The following NUP160 variants were observed in gnomAD, a reference collection of about 807,000 sequenced individuals.
The protein encoded by NUP160 is nucleoporin 160.
Under a neutral mutation model 196.9 loss-of-function variants are expected in NUP160, and 94 were observed. That is an observed-to-expected ratio of 0.48 (90% CI 0.40 to 0.57). The LOEUF (loss-of-function observed/expected upper bound fraction) is 0.57, where lower values mean the gene tolerates loss of function less well. Ranked by LOEUF, NUP160 falls within the 20% of genes least tolerant of loss-of-function variation. The pLI, the probability that NUP160 is intolerant of heterozygous loss-of-function variation, is 0.00. For missense variants in NUP160, 1,638 were observed against 1,748.3 expected (o/e 0.94, Z 1.13); for synonymous variants, 605 against 619.7 (o/e 0.98, Z 0.35).
At chr11:47,826,240 C>T (rs549231618) in intron 7 of NUP160, among the ~76,000 whole-genome samples, 8 of 152,146 alleles carry the variant, frequency 5.3e-5, no homozygotes, top group South Asian at 2.1e-4. Context: ...CCCGAGTAGC[C>T]GGAACTATAC....
chr11:47,840,654 T>C, intron 2 of NUP160, 66 bp from the exon 3 acceptor site: 5 of 1,300,442 alleles, frequency 3.8e-6, no homozygotes, highest in East Asian at 2.3e-5. Flanking sequence ...TACTGAAATA[T>C]ATGAGAACAG....
intron 22 of NUP160, among the ~76,000 whole-genome samples, chr11:47,802,917 T>G (rs1163924685): frequency 1.3e-5 from 2 of 151,962 alleles, no homozygotes; most frequent in Non-Finnish European, 2.9e-5. Context: ...CCCAGGAGGT[T>G]GAGGCAGCAG....
At chr11:47,804,762 C>T (rs1436924113) in intron 20 of NUP160, 144 bp from the exon 21 acceptor site, 1 of 563,162 alleles carries the variant, frequency 1.8e-6, no homozygotes, top group East Asian at 3.3e-5. Flanking sequence ...GTTCTTTCAT[C>T]ATCACTAGAA....
chr11:47,825,906 A>C (rs573333927), intron 7 of NUP160, among the ~76,000 whole-genome samples: 7 of 152,312 alleles, frequency 4.6e-5, no homozygotes, highest in Admixed American at 4.6e-4. Context: ...TTTTATAAAG[A>C]AAATTTACTG....
chr11:47,783,125 G>A, exon 34 of NUP160: 2 of 1,613,950 alleles, frequency 1.2e-6, no homozygotes, highest in African/African-American at 1.3e-5. Context: ...CACATATTCT[G>A]ACACCAAATC....
intron 13 of NUP160, 97 bp downstream of exon 13, chr11:47,815,382 G>C (rs1375771870): frequency 1.1e-6 from 1 of 893,828 alleles, no homozygotes; most frequent in East Asian, 2.8e-5. Flanking sequence ...CTAACATTCG[G>C]CAAGAGCCAC....
intron 19 of NUP160, among the ~76,000 whole-genome samples, chr11:47,806,852 C>CATATAT (rs750485693): frequency 1.0e-4 from 13 of 124,332 alleles, no homozygotes; most frequent in African/African-American, 2.8e-4. Flanking sequence ...CACACACACA[C>CATATAT]ATATATATAC....
intron 2 of NUP160, among the ~76,000 whole-genome samples, chr11:47,847,615 T>G (rs1274876708): frequency 8.2e-6 from 1 of 122,686 alleles, no homozygotes; most frequent in East Asian, 2.7e-4. Flanking sequence ...TTCCTCTGCT[T>G]CTGGTGTTGC....
At chr11:47,833,804 C>A (rs1852119621) in intron 7 of NUP160, among the ~76,000 whole-genome samples, 1 of 123,258 alleles carries the variant, frequency 8.1e-6, no homozygotes, top group Non-Finnish European at 2.0e-5. Flanking sequence ...CTCTAGCAAG[C>A]TTTCCTGGGA....
At chr11:47,779,176 C>G (rs745930918) in exon 36 of NUP160, 1 of 1,611,110 alleles carries the variant, frequency 6.2e-7, no homozygotes, top group Admixed American at 1.7e-5. Context: ...TCCAATTTGT[C>G]AAGTATTTTC....
chr11:47,836,490 T>C (rs1206821899), intron 6 of NUP160, among the ~76,000 whole-genome samples: 2 of 152,022 alleles, frequency 1.3e-5, no homozygotes, highest in East Asian at 1.9e-4. Flanking sequence ...AGCGTGCCCC[T>C]GTAGTCCCAG....
In NUP160 at chr11:47,792,964, A is replaced by G; in HGVS notation, c.3290-18T>C. ...TGTGCCAGCTATGAGGAGATAATAA[A>G]TTAGACTTTAGAACTTCCAAATTTT... On this transcript the variant is annotated intron_variant, in intron 27 of 35. Coordinates refer to ENST00000378460, the Ensembl canonical transcript of NUP160. The G allele has an allele frequency of 6.3e-7, 1 of 1,595,356 alleles. No individual in the cohort carries two copies. Among genetic ancestry groups the G allele is most frequent in the Non-Finnish European group, 8.5e-7 (1 of 1,174,332 alleles).
exon 31 of NUP160, chr11:47,788,271 C>T (rs1246683202): frequency 6.2e-7 from 1 of 1,614,098 alleles, no homozygotes; most frequent in African/African-American, 1.3e-5. Flanking sequence ...CCGCCTGAAC[C>T]AAGAGAGTGA....
At chr11:47,821,657 G>T in intron 9 of NUP160, 67 bp downstream of exon 9, 1 of 1,187,098 alleles carries the variant, frequency 8.4e-7, no homozygotes, top group Non-Finnish European at 1.3e-6. Context: ...ACGGCGCCCG[G>T]CCTCTCGTCT....
chr11:47,845,359 C>T (rs1326141448), intron 2 of NUP160, among the ~76,000 whole-genome samples: 3 of 152,166 alleles, frequency 2.0e-5, no homozygotes, highest in African/African-American at 4.8e-5. Context: ...AGGCTGGTCT[C>T]GAACTCCTGA....
chr11:47,807,927 A>G (rs2097678720), intron 18 of NUP160, among the ~76,000 whole-genome samples: 1 of 152,264 alleles, frequency 6.6e-6, no homozygotes, highest in Non-Finnish European at 1.5e-5. Context: ...ACCTGTAACA[A>G]ATAAAGGCAC....
chr11:47,836,339 GTAT>G (rs1852175613), intron 6 of NUP160, among the ~76,000 whole-genome samples: 1 of 152,160 alleles, frequency 6.6e-6, no homozygotes, highest in South Asian at 2.1e-4. Flanking sequence ...AATATAAGCT[GTAT>G]TTTTTAGATG....
chr11:47,798,492 A>AC, intron 23 of NUP160, 29 bp from the exon 24 acceptor site: 2 of 1,226,448 alleles, frequency 1.6e-6, no homozygotes, highest in Non-Finnish European at 2.4e-6. Context: ...AATTTCCATT[A>AC]AAATTAATAT....
intron 30 of NUP160, 45 bp from the exon 31 acceptor site, chr11:47,788,350 C>A (rs955435834): frequency 1.9e-5 from 30 of 1,610,320 alleles, no homozygotes; most frequent in Middle Eastern, 1.6e-4. Flanking sequence ...AAGGTATACA[C>A]AAATGAAACC....
Sources: gnomAD v4.1 joint callset for allele counts (sites outside exome capture counted in the v4.1 genomes callset) on GRCh38, gnomAD v4.1.1 for gene constraint, MANE v1.5 for transcripts, NCBI Gene and HGNC (gene_info 2026-07-23, HGNC 2026-07-21) for gene names.